USP42: variants seen among roughly 807,000 people sequenced by gnomAD.
The protein encoded by USP42 is ubiquitin specific peptidase 42.
In USP42, 23 loss-of-function variants were observed where a neutral mutation model predicts 113.0. The ratio of observed to expected loss-of-function variants is 0.20; its 90% CI spans 0.15 to 0.29. The LOEUF is 0.29. USP42 is among the 10% of genes least tolerant of loss of function. The pLI is 1.00. For missense variants in USP42, 2,174 were observed against 1,779.8 expected, an observed-to-expected ratio of 1.22 and a Z score of -3.99; for synonymous variants, 933 against 699.0, an observed-to-expected ratio of 1.33 and a Z score of -5.28.
intron 3 of USP42, among the ~76,000 whole-genome samples, chr7:6,129,321 C>A (rs894516214): frequency 2.0e-5 from 3 of 151,600 alleles, no homozygotes; most frequent in Non-Finnish European, 4.4e-5. Context: ...TTTGGGAAGC[C>A]GAGGCAGGTG....
At chr7:6,081,517 C>G in the USP42 span, among the ~76,000 whole-genome samples, 1 of 152,170 alleles carries the variant, frequency 6.6e-6, no homozygotes, top group Non-Finnish European at 1.5e-5. Context: ...TAGCCCTTCT[C>G]CAGACGTAAG....
chr7:6,155,462 G>C (rs1425314169), intron 15 of USP42, among the ~76,000 whole-genome samples: 1 of 152,276 alleles, frequency 6.6e-6, no homozygotes, highest in Non-Finnish European at 1.5e-5. Context: ...TGCCATTTTT[G>C]GTGAATGCTT....
chr7:6,141,596 T>A (rs563237147), intron 7 of USP42, among the ~76,000 whole-genome samples: 1 of 151,876 alleles, frequency 6.6e-6, no homozygotes, highest in Non-Finnish European at 1.5e-5. Flanking sequence ...TCTTGCTCCA[T>A]TGCCCAGGCT....
intron 3 of USP42, among the ~76,000 whole-genome samples, chr7:6,122,463 T>TG (rs1780281354): frequency 6.6e-6 from 1 of 151,878 alleles, no homozygotes; most frequent in Non-Finnish European, 1.5e-5. Context: ...TTGTTTTGTT[T>TG]TTTTGTTTGT....
the USP42 span, among the ~76,000 whole-genome samples, chr7:6,087,891 G>A: frequency 6.6e-6 from 1 of 151,258 alleles, no homozygotes; most frequent in Non-Finnish European, 1.5e-5. Flanking sequence ...TAAAATGGAA[G>A]TACTAATTTT....
intron 3 of USP42, among the ~76,000 whole-genome samples, chr7:6,124,500 G>A (rs1178604408): frequency 6.6e-6 from 1 of 151,752 alleles, no homozygotes; most frequent in East Asian, 2.0e-4. Context: ...TCCTGACCTC[G>A]TGATCTGCCT....
In USP42 at chr7:6,126,316, G is replaced by A. The variant is rs546216180; in HGVS notation, c.443-9525G>A. 8.1e-4 allele frequency among the ~76,000 whole-genome samples: 118 copies of A among 146,430 alleles called. 2 individuals are homozygous for A. The highest frequency in any genetic ancestry group is 9.7e-4 in the Non-Finnish European group (65 of 66,994). The stretch of plus-strand genomic sequence containing the variant: ...TTTTTTTTTTTTGAGAGGAAGTCTT[G>A]CTCTGTTGTCCAGGCTGGAGTGCAG... On this transcript the variant is annotated intron_variant, in intron 3 of 17. Coordinates refer to ENST00000306177, the MANE Select transcript of USP42 (RefSeq NM_032172.3).
At chr7:6,125,969 T>C (rs1780521820) in intron 3 of USP42, among the ~76,000 whole-genome samples, 1 of 152,154 alleles carries the variant, frequency 6.6e-6, no homozygotes, top group African/African-American at 2.4e-5. Context: ...GATAACACTG[T>C]AATGGAATAT....
the USP42 span, among the ~76,000 whole-genome samples, chr7:6,092,036 T>TTC: frequency 1.0e-5 from 1 of 97,338 alleles, no homozygotes; most frequent in Non-Finnish European, 2.1e-5. Flanking sequence ...CTTCTTCTTC[T>TTC]TCTTCTTCTT....
At chr7:6,122,079 A>T (rs1780256337) in intron 3 of USP42, among the ~76,000 whole-genome samples, 1 of 151,766 alleles carries the variant, frequency 6.6e-6, no homozygotes, top group African/African-American at 2.4e-5. Context: ...TGTTTTATTG[A>T]TGTTTGTTGT....
At position 6,139,017 on chromosome 7, in the gene USP42, A is replaced by C; in HGVS notation, c.554-75A>C. 2.2e-6 allele frequency: 2 copies of C among 893,432 alleles called. No individual in the cohort carries two copies. Among genetic ancestry groups the C allele is most frequent in the Non-Finnish European group, 3.4e-6 (2 of 587,688 alleles). 55.3% of individuals were successfully genotyped at this position (893,432 alleles called of 1,614,324 possible). On this transcript the variant is annotated intron_variant, in intron 4 of 17. Coordinates refer to ENST00000306177, the MANE Select transcript of USP42 (RefSeq NM_032172.3). This position sits in a 1 kb window ranked among gnomAD's most constrained non-coding sequence, Gnocchi z 4.5. ...GTTTTCCAACCAACATATTATTATA[A>C]GATATATTTTGGGGGGTACAACTTA...
At chr7:6,151,944 T>C (rs1237764960) in intron 14 of USP42, among the ~76,000 whole-genome samples, 3 of 152,154 alleles carry the variant, frequency 2.0e-5, no homozygotes, top group African/African-American at 7.2e-5. Context: ...GGTCTGTTGT[T>C]GACCGTATGT....
chr7:6,129,557 AGG>A (rs1780730453), intron 3 of USP42, among the ~76,000 whole-genome samples: 1 of 124,958 alleles, frequency 8.0e-6, no homozygotes, highest in African/African-American at 3.1e-5. Context: ...GCTCTGCCTC[AGG>A]AAAAAAAAAA....
At chr7:6,101,945 G>A (rs1010743376), upstream of USP42, among the ~76,000 whole-genome samples, 7 of 149,160 alleles carry the variant, frequency 4.7e-5, no homozygotes, top group Admixed American at 6.6e-5. Context: ...AAAATTAGCC[G>A]GGTACAGTGG....
At chr7:6,087,632 C>T in the USP42 span, among the ~76,000 whole-genome samples, 708 of 151,182 alleles carry the variant, frequency 4.7e-3, 46 homozygotes, top group African/African-American at 0.017. Context: ...CTCCCTGCCC[C>T]GCCTCACACT....
Position 6,158,218 on chromosome 7 carries a change from T to G in USP42, c.3943+1163T>G, listed in dbSNP as rs1035049149. Among the ~76,000 whole-genome samples, 1 of 152,278 alleles carries G rather than the reference T, an allele frequency of 6.6e-6. No homozygotes were observed. Among genetic ancestry groups the G allele is most frequent in the Non-Finnish European group, 1.5e-5 (1 of 68,048 alleles). ...CAGCCAGGTGCGTTCCCACGCTGTC[T>G]GGCGGCTTCGCTGTCACTGCCTGGC... On this transcript the variant is annotated intron_variant, in intron 16 of 17. Transcript: ENST00000306177. This position sits in a 1 kb window ranked among gnomAD's most constrained non-coding sequence, Gnocchi z 4.2.
rs1439210803 is a variant in USP42, at chr7:6,157,021, G to C, written c.3909G>C (p.Arg1303Ser). ...CGAAACACTTACGGATGGAAAGCAG[G>C]GATGACAGGTGTCGTCTCTTTGAGT... The part of the protein sequence containing the change: ...EKTKHLRMES[R>S]DDRCRLFEYG... Residue 1303 changes from arginine to serine, a missense_variant, in exon 16 of 18, where the codon AGG becomes AGC. Transcript: ENST00000306177. The surrounding 1 kb of genome is among the most constrained non-coding windows in gnomAD (Gnocchi z 4.1). 6.2e-7 allele frequency: 1 copy of C among 1,612,146 alleles called. No homozygotes were observed. Among genetic ancestry groups the C allele is most frequent in the East Asian group, 2.2e-5 (1 of 44,860 alleles).
intron 1 of USP42, among the ~76,000 whole-genome samples, chr7:6,110,661 G>A (rs532709929): frequency 9.9e-5 from 15 of 152,226 alleles, no homozygotes; most frequent in Non-Finnish European, 1.9e-4. Context: ...ACAAAATTAA[G>A]TCTAGATTTT....
the USP42 span, among the ~76,000 whole-genome samples, chr7:6,089,734 T>C: frequency 2.0e-5 from 3 of 150,424 alleles, no homozygotes; most frequent in Non-Finnish European, 4.4e-5. Flanking sequence ...GGTTTCACCA[T>C]GTTGGTCAGG....
Sources: allele counts gnomAD v4.1 joint callset (sites outside exome capture counted in the v4.1 genomes callset), GRCh38; gene constraint gnomAD v4.1.1; non-coding constraint Gnocchi (gnomAD v3.1); transcripts MANE v1.5; gene names NCBI Gene and HGNC (gene_info 2026-07-23, HGNC 2026-07-21).